PRR16: variants seen among roughly 807,000 people sequenced by gnomAD.
The protein encoded by PRR16 is protein Largen.
PRR16 carries 6 observed loss-of-function variants against 18.2 expected under a neutral mutation model. The ratio of observed to expected loss-of-function variants is 0.33; its 90% CI spans 0.18 to 0.65. The LOEUF is 0.65. PRR16 is among the 30% of genes least tolerant of loss of function. PRR16 has a pLI of 0.74. For synonymous variants in PRR16, 151 were observed against 147.8 expected (o/e 1.02, Z -0.16); for missense variants, 412 against 376.6 (o/e 1.09, Z -0.78).
intron 1 of PRR16, among the ~76,000 whole-genome samples, chr5:120,499,253 G>T (rs1180550275): frequency 6.6e-6 from 1 of 151,946 alleles, no homozygotes; most frequent in Non-Finnish European, 1.5e-5. Context: ...GGGATTACAG[G>T]CAGGCACCAC....
At chr5:120,559,788 C>A (rs1322930136) in intron 1 of PRR16, among the ~76,000 whole-genome samples, 2 of 151,830 alleles carry the variant, frequency 1.3e-5, no homozygotes, top group Non-Finnish European at 2.9e-5. Context: ...ATGCATGGAG[C>A]ATGGAATATC....
intron 1 of PRR16, among the ~76,000 whole-genome samples, chr5:120,671,124 C>T (rs1756587394): frequency 6.6e-6 from 1 of 152,132 alleles, no homozygotes; most frequent in South Asian, 2.1e-4. Context: ...TATACACACA[C>T]ACCATACCCC....
At position 120,645,394 on chromosome 5, in the gene PRR16, C is replaced by A. The variant is rs7726615; in HGVS notation, c.160-40560C>A. Among the ~76,000 whole-genome samples, 979 of 145,696 alleles carry A rather than the reference C, an allele frequency of 6.7e-3. 9 individuals are homozygous for A. The highest frequency in any genetic ancestry group is 0.022 in the African/African-American group (885 of 39,488). On this transcript the variant is annotated intron_variant, in intron 1 of 1. Transcript: ENST00000407149. ...CGAATACCCACCCATCCCCCCCCCA[C>A]ACACACACAGGCAGAAAGAGAGTGA...
the PRR16 span, among the ~76,000 whole-genome samples, chr5:120,719,321 G>A: frequency 6.6e-6 from 1 of 151,858 alleles, no homozygotes; most frequent in Non-Finnish European, 1.5e-5. Context: ...GGCATTTTTG[G>A]TTTGATTGTG....
chr5:120,643,531 A>C (rs1755491481), intron 1 of PRR16, among the ~76,000 whole-genome samples: 1 of 152,176 alleles, frequency 6.6e-6, no homozygotes, highest in African/African-American at 2.4e-5. Context: ...TTAGAAAAGT[A>C]AATTCTAAAG....
chr5:120,638,253 G>T (rs1261962144), intron 1 of PRR16, among the ~76,000 whole-genome samples: 1 of 152,044 alleles, frequency 6.6e-6, no homozygotes, highest in Non-Finnish European at 1.5e-5. Context: ...GAGCATTTCA[G>T]ATTTCATATT....
intron 1 of PRR16, among the ~76,000 whole-genome samples, chr5:120,466,367 CG>C (rs1749106560): frequency 6.6e-6 from 1 of 152,112 alleles, no homozygotes; most frequent in Non-Finnish European, 1.5e-5. Flanking sequence ...TTTCTATGGG[CG>C]ATGTGGAAAA....
At chr5:120,561,446 T>A (rs1014615659) in intron 1 of PRR16, among the ~76,000 whole-genome samples, 6 of 152,140 alleles carry the variant, frequency 3.9e-5, no homozygotes, top group Non-Finnish European at 7.4e-5. Context: ...TTTTTAATGA[T>A]TTCCAGTCTC....
intron 1 of PRR16, among the ~76,000 whole-genome samples, chr5:120,598,418 C>T (rs916898763): frequency 6.6e-6 from 1 of 151,070 alleles, no homozygotes; most frequent in African/African-American, 2.4e-5. Context: ...TGAATGTGTA[C>T]TTTTTTTTTC....
At chr5:120,595,896 A>G (rs1441108691) in intron 1 of PRR16, among the ~76,000 whole-genome samples, 2 of 151,938 alleles carry the variant, frequency 1.3e-5, no homozygotes, top group African/African-American at 2.4e-5. Flanking sequence ...TAGTATTTCT[A>G]TCGTTAAAAT....
At chr5:120,561,454 C>G (rs975838887) in intron 1 of PRR16, among the ~76,000 whole-genome samples, 1 of 151,960 alleles carries the variant, frequency 6.6e-6, no homozygotes, top group South Asian at 2.1e-4. Context: ...GATTTCCAGT[C>G]TCATTTCATT....
the PRR16 span, among the ~76,000 whole-genome samples, chr5:120,759,193 G>A: frequency 6.9e-4 from 105 of 151,968 alleles, no homozygotes; most frequent in African/African-American, 2.3e-3. Flanking sequence ...AGCCAGGATG[G>A]TATTGATCTC....
the PRR16 span, among the ~76,000 whole-genome samples, chr5:120,702,543 G>A: frequency 6.6e-6 from 1 of 152,254 alleles, no homozygotes; most frequent in South Asian, 2.1e-4. Context: ...ACCAAGGCAG[G>A]CGTCCCTGCG....
At chr5:120,685,058 G>A (rs1166765392) in intron 1 of PRR16, among the ~76,000 whole-genome samples, 6 of 152,282 alleles carry the variant, frequency 3.9e-5, no homozygotes, top group Middle Eastern at 3.4e-3. Context: ...TCTCCAAGGC[G>A]AGACAGCTTT....
chr5:120,501,271 A>G (rs1750444007), intron 1 of PRR16, among the ~76,000 whole-genome samples: 1 of 152,220 alleles, frequency 6.6e-6, no homozygotes, highest in Non-Finnish European at 1.5e-5. Context: ...GAATTCTACC[A>G]TTAATTTTTA....
intron 1 of PRR16, among the ~76,000 whole-genome samples, chr5:120,515,497 A>G (rs908331917): frequency 6.6e-6 from 1 of 152,230 alleles, no homozygotes; most frequent in Non-Finnish European, 1.5e-5. Context: ...AAACTGGTGA[A>G]GAAAGGGATG....
chr5:120,721,913 GGGA>G, the PRR16 span, among the ~76,000 whole-genome samples: 1 of 151,910 alleles, frequency 6.6e-6, no homozygotes, highest in African/African-American at 2.4e-5. Context: ...GGATACATAT[GGGA>G]TACATGTGCA....
rs530544180 is a variant in PRR16, at chr5:120,585,607, G to A, written c.160-100347G>A. ...CACTCCAGCCTGGCAGACAGAGTGA[G>A]ACTTGGTCTAAAAAAAAAAAAAAGC... On this transcript the variant is annotated intron_variant, in intron 1 of 1. Transcript: ENST00000407149. Among the ~76,000 whole-genome samples the A allele has an allele frequency of 8.0e-5, 12 of 149,084 alleles. No homozygotes were observed. In the East Asian group the frequency reaches 2.4e-3, roughly 29 times the overall value.
chr5:120,603,714 A>G (rs1035429258), intron 1 of PRR16, among the ~76,000 whole-genome samples: 4 of 151,978 alleles, frequency 2.6e-5, no homozygotes, highest in Admixed American at 2.6e-4. Context: ...TTTCCTCATA[A>G]CACTGCTTTA....
Sources: allele counts gnomAD v4.1 joint callset (sites outside exome capture counted in the v4.1 genomes callset), GRCh38; gene constraint gnomAD v4.1.1; transcripts MANE v1.5; gene names NCBI Gene and HGNC (gene_info 2026-07-23, HGNC 2026-07-21).